GLCE: variants seen among roughly 807,000 people sequenced by gnomAD.
GLCE encodes the protein glucuronic acid epimerase.
A neutral mutation model predicts 47.9 loss-of-function variants in GLCE; 19 were observed. The observed-to-expected ratio is 0.40, with a 90% confidence interval of 0.28 to 0.58. GLCE has a LOEUF of 0.58. Among genes scored for constraint, GLCE ranks in the 20% least tolerant of loss-of-function variants. The pLI is 0.48. For missense variants in GLCE, 556 were observed against 743.3 expected (o/e 0.75, Z 2.93); for synonymous variants, 245 against 263.4 (o/e 0.93, Z 0.68).
chr15:69,209,689 C>A (rs2140373685), intron 1 of GLCE, among the ~76,000 whole-genome samples: 1 of 152,184 alleles, frequency 6.6e-6, no homozygotes, highest in Middle Eastern at 3.4e-3. Context: ...TCTGTGATCT[C>A]CCAGTAATTT....
chr15:69,267,611 G>A (rs557252759), intron 4 of GLCE, among the ~76,000 whole-genome samples: 1 of 152,120 alleles, frequency 6.6e-6, no homozygotes, highest in Non-Finnish European at 1.5e-5. Context: ...GGCAACCTGG[G>A]TTCAAGTCTT....
At chr15:69,265,302 G>C (rs1334243003) in intron 4 of GLCE, among the ~76,000 whole-genome samples, 6 of 152,024 alleles carry the variant, frequency 3.9e-5, no homozygotes, top group African/African-American at 1.4e-4. Context: ...GGAATCTTCA[G>C]ATAGCCTAGT....
At chr15:69,164,738 T>C (rs2051478416) in intron 1 of GLCE, among the ~76,000 whole-genome samples, 1 of 152,120 alleles carries the variant, frequency 6.6e-6, no homozygotes, top group South Asian at 2.1e-4. Flanking sequence ...TTTTTAAAGG[T>C]ACATGGCAAG....
chr15:69,266,041 G>A (rs2053081180), intron 4 of GLCE, among the ~76,000 whole-genome samples: 2 of 152,184 alleles, frequency 1.3e-5, no homozygotes, highest in African/African-American at 4.8e-5. Flanking sequence ...GAGAGTACAT[G>A]TTGACATTTT....
intron 1 of GLCE, among the ~76,000 whole-genome samples, chr15:69,179,479 T>C (rs1056399407): frequency 1.3e-5 from 2 of 152,196 alleles, no homozygotes; most frequent in South Asian, 4.1e-4. Context: ...CAGGCACTCA[T>C]TGTATGTGTG....
intron 3 of GLCE, among the ~76,000 whole-genome samples, chr15:69,260,518 C>T (rs559638549): frequency 1.3e-5 from 2 of 152,128 alleles, no homozygotes; most frequent in South Asian, 2.1e-4. Context: ...CCTTGGCCTC[C>T]CAAAGTGCTA....
intron 1 of GLCE, among the ~76,000 whole-genome samples, chr15:69,192,526 T>C (rs2140354070): frequency 6.6e-6 from 1 of 152,240 alleles, no homozygotes; most frequent in African/African-American, 2.4e-5. Context: ...TCATTTCTGG[T>C]TCTGTTAATA....
At chr15:69,216,835 T>C (rs2052314135) in intron 2 of GLCE, among the ~76,000 whole-genome samples, 1 of 152,180 alleles carries the variant, frequency 6.6e-6, no homozygotes, top group African/African-American at 2.4e-5. Flanking sequence ...TGATTGATTC[T>C]GTTGATAATT....
rs2052155152 is a variant in GLCE, at chr15:69,206,547, GTA to G, written c.-104-3766_-104-3765del. 2.6e-5 allele frequency among the ~76,000 whole-genome samples: 4 copies of G among 151,916 alleles called. 1 individual carries two copies. The highest frequency in any genetic ancestry group is 2.6e-4 in the Admixed American group (4 of 15,218). ...TTTATTCAGTCATTTATATCAATATGTATACTTATTTTATACATTGGCTTATA... is the reference window on the plus strand; with the variant it reads ...TTTATTCAGTCATTTATATCAATATGTACTTATTTTATACATTGGCTTATA... On this transcript the variant is annotated intron_variant, in intron 1 of 4. Coordinates refer to ENST00000261858, the MANE Select transcript of GLCE (RefSeq NM_015554.3).
chr15:69,172,725 CT>C (rs902627626), intron 1 of GLCE, among the ~76,000 whole-genome samples: 1 of 152,170 alleles, frequency 6.6e-6, no homozygotes, highest in African/African-American at 2.4e-5. Flanking sequence ...GCAGTACATT[CT>C]TAGTGGTGTG....
intron 1 of GLCE, among the ~76,000 whole-genome samples, chr15:69,183,482 A>T (rs1052199041): frequency 1.2e-4 from 18 of 152,226 alleles, no homozygotes; most frequent in African/African-American, 4.3e-4. Context: ...TGGAAGCCAC[A>T]TGCTGTGTGG....
chr15:69,263,161 C>G lies in GLCE; in HGVS notation c.829+1832C>G, dbSNP rs562690785. ...TTTTTGAACTAAGGATGCTGCCTCT[C>G]CAGTTGCATACTATAAGAGTATGAG... On this transcript the variant is annotated intron_variant, in intron 4 of 4. Coordinates refer to ENST00000261858, the MANE Select transcript of GLCE (RefSeq NM_015554.3). 2.6e-5 allele frequency among the ~76,000 whole-genome samples: 4 copies of G among 152,202 alleles called. No individual in the cohort carries two copies. The South Asian group carries it at 8.3e-4, about 32-fold the overall frequency.
At chr15:69,168,775 G>A (rs1417989678) in intron 1 of GLCE, among the ~76,000 whole-genome samples, 3 of 152,088 alleles carry the variant, frequency 2.0e-5, no homozygotes, top group East Asian at 3.9e-4. Flanking sequence ...CAGGTGATCC[G>A]CCTACCTCGG....
chr15:69,187,974 G>A (rs1411847667), intron 1 of GLCE, among the ~76,000 whole-genome samples: 1 of 152,140 alleles, frequency 6.6e-6, no homozygotes. Flanking sequence ...TGAGGCAGGA[G>A]AATCACTTCA....
At chr15:69,182,356 AAC>A (rs1274796616) in intron 1 of GLCE, among the ~76,000 whole-genome samples, 2 of 151,290 alleles carry the variant, frequency 1.3e-5, no homozygotes, top group African/African-American at 4.9e-5. Flanking sequence ...TGTAGGTATC[AAC>A]ACAGAATAGG....
chr15:69,268,170 A>G (rs1395630791), intron 4 of GLCE, 50 bp from the exon 5 acceptor site: 1 of 1,207,002 alleles, frequency 8.3e-7, no homozygotes, highest in Admixed American at 2.4e-5. Flanking sequence ...TTTCAAATAC[A>G]AAAGTGCTTT....
chr15:69,268,531 G>A lies in GLCE; in HGVS notation c.1141G>A (p.Val381Ile), dbSNP rs145765731. The change falls in exon 5 of 5, where the codon GTT (valine) becomes ATT (isoleucine). Residue 381 changes from valine to isoleucine, a missense_variant. Around this residue, in one of 3 missense-constraint regions of GLCE, gnomAD observed 245 missense variants for 368.1 expected, o/e 0.67. Coordinates refer to ENST00000261858, the MANE Select transcript of GLCE (RefSeq NM_015554.3). ...AACCAAAATAATGCCCAAGAAGGTG[G>A]TTAGGTTGATTGCAAAAGGTAAGGG... is the stretch of plus-strand genomic sequence containing the variant. ...KPTKIMPKKVVRLIAKGKGFL... is the reference protein window; with the variant it reads ...KPTKIMPKKVIRLIAKGKGFL... 290 of 1,614,174 alleles carry A rather than the reference G, an allele frequency of 1.8e-4. 1 individual carries two copies. The African/African-American group carries it at 3.5e-3, about 20-fold the overall frequency.
intron 1 of GLCE, among the ~76,000 whole-genome samples, chr15:69,206,323 G>T (rs1333490825): frequency 6.6e-6 from 1 of 152,084 alleles, no homozygotes; most frequent in East Asian, 1.9e-4. Context: ...GCATTACTTG[G>T]CTAAGGTACT....
In GLCE at chr15:69,187,249, T is replaced by C. The variant is rs192357501; in HGVS notation, c.-104-23067T>C. 3.8e-3 allele frequency among the ~76,000 whole-genome samples: 584 copies of C among 152,318 alleles called. 1 individual carries two copies. Among genetic ancestry groups the C allele is most frequent in the South Asian group, 7.5e-3 (36 of 4,830 alleles). ...ATCTGTCATGTTAGACTTGGGGCCA[T>C]AGCTTTTTCTAAATGAAAAGACTTA... On this transcript the variant is annotated intron_variant, in intron 1 of 4. Transcript: ENST00000261858.
Sources: allele counts gnomAD v4.1 joint callset (sites outside exome capture counted in the v4.1 genomes callset), GRCh38; gene constraint gnomAD v4.1.1; regional missense constraint gnomAD v4.1.1; transcripts MANE v1.5; gene names NCBI Gene and HGNC (gene_info 2026-07-23, HGNC 2026-07-21).